The following NNT variants were observed in gnomAD, a reference collection of about 807,000 sequenced individuals.
NNT encodes the protein NAD(P) transhydrogenase, mitochondrial.
Under a neutral mutation model 104.8 loss-of-function variants are expected in NNT, and 50 were observed. The observed-to-expected ratio is 0.48, with a 90% CI of 0.38 to 0.60. The LOEUF is 0.60. NNT is among the 20% of genes least tolerant of loss of function. The pLI is 0.00. For missense variants in NNT, 1,131 were observed against 1,330.7 expected, an observed-to-expected ratio of 0.85 and a Z score of 2.33; for synonymous variants, 461 against 490.4, an observed-to-expected ratio of 0.94 and a Z score of 0.79.
chr5:43,691,006 G>T (rs1159368005), intron 19 of NNT, among the ~76,000 whole-genome samples: 1 of 150,510 alleles, frequency 6.6e-6, no homozygotes, highest in African/African-American at 2.5e-5. Context: ...ATTTTCTGTG[G>T]TTTATTTGAA....
Position 43,649,301 on chromosome 5 carries a change from A to G in NNT, c.1599A>G (p.Ala533=). ...LHSPLMSVTN[A]ISGLTAVGGL... is the part of the protein sequence containing the mutation. ...CACCACTGATGTCTGTGACAAATGC[A>G]ATCTCAGGTTTGTTCCTCTCTTGTT... is the stretch of plus-strand genomic sequence containing the variant. The change falls in exon 11 of 22, where the codon GCA becomes GCG. Residue 533 remains alanine (A), a synonymous_variant. Transcript: ENST00000344920. The G allele has an allele frequency of 4.3e-6, 7 of 1,614,080 alleles. No homozygotes were observed. Among genetic ancestry groups the G allele is most frequent in the Non-Finnish European group, 5.9e-6 (7 of 1,179,968 alleles).
At chr5:43,615,727 A>T in intron 3 of NNT, 121 bp from the exon 4 acceptor site, 1 of 788,914 alleles carries the variant, frequency 1.3e-6, no homozygotes, top group Non-Finnish European at 2.0e-6. Flanking sequence ...GAAATTATTG[A>T]TGGAAGATTT....
intron 6 of NNT, among the ~76,000 whole-genome samples, chr5:43,626,209 G>A (rs1750352820): frequency 6.6e-6 from 1 of 152,004 alleles, no homozygotes; most frequent in Non-Finnish European, 1.5e-5. Context: ...CATTTTTCTT[G>A]TCATTATTCT....
In NNT at chr5:43,706,376, CTTATT is replaced by C. The variant is rs1427100028; in HGVS notation, c.*1980_*1984del. The C allele has an allele frequency of 6.6e-6, 1 of 150,876 alleles. No individual in the cohort carries two copies. The allele number at this position is 150,876 out of a possible 1,614,324, so 9.3% of individuals were successfully genotyped here. On this transcript the variant is annotated 3_prime_UTR_variant, in exon 22 of 22. Transcript: ENST00000344920. ...TAAGTCATACAATTGGTAGATATGA[CTTATT>C]TTATTTTTGTATTATTCACTATATC... is the stretch of plus-strand genomic sequence containing the variant.
intron 17 of NNT, among the ~76,000 whole-genome samples, chr5:43,671,310 A>G (rs1180446566): frequency 6.6e-6 from 1 of 152,144 alleles, no homozygotes; most frequent in East Asian, 1.9e-4. Flanking sequence ...TTATGTGTGA[A>G]TTTGATCCTG....
chr5:43,668,084 T>C (rs1740815390), intron 17 of NNT, among the ~76,000 whole-genome samples: 1 of 152,252 alleles, frequency 6.6e-6, no homozygotes, highest in South Asian at 2.1e-4. Flanking sequence ...GAAGTGTCTG[T>C]TCATATCCTT....
intron 21 of NNT, 50 bp from the exon 22 acceptor site, chr5:43,704,205 C>A: frequency 6.7e-7 from 1 of 1,492,536 alleles, no homozygotes; most frequent in Non-Finnish European, 8.9e-7. Context: ...CCTAACATGT[C>A]CTAGGTTGGT....
At chr5:43,610,348 T>C (rs1434696954) in intron 2 of NNT, among the ~76,000 whole-genome samples, 1 of 152,032 alleles carries the variant, frequency 6.6e-6, no homozygotes, top group Non-Finnish European at 1.5e-5. Flanking sequence ...ATCATCCCAG[T>C]ACTTCTGTCA....
chr5:43,659,383 A>G (rs1281082983), intron 17 of NNT, 33 bp downstream of exon 17: 1 of 1,538,124 alleles, frequency 6.5e-7, no homozygotes, highest in East Asian at 2.3e-5. Flanking sequence ...AACAAAAGGA[A>G]ATGGCTTCCT....
intron 20 of NNT, among the ~76,000 whole-genome samples, chr5:43,701,840 A>C (rs1459124934): frequency 6.6e-6 from 1 of 152,062 alleles, no homozygotes; most frequent in Non-Finnish European, 1.5e-5. Flanking sequence ...GTGATGTCGA[A>C]CATTTCTTCA....
chr5:43,633,165 G>A (rs1296190647), intron 7 of NNT, among the ~76,000 whole-genome samples: 1 of 152,114 alleles, frequency 6.6e-6, no homozygotes, highest in Admixed American at 6.6e-5. Flanking sequence ...GGGCGACTTG[G>A]GTTCCCAGCA....
chr5:43,689,411 T>C (rs1454261162), intron 19 of NNT, among the ~76,000 whole-genome samples: 1 of 152,224 alleles, frequency 6.6e-6, no homozygotes, highest in Non-Finnish European at 1.5e-5. Flanking sequence ...GTCCCATCTG[T>C]TTATCTTTGT....
At chr5:43,635,072 T>C (rs1446265727) in intron 7 of NNT, among the ~76,000 whole-genome samples, 4 of 152,208 alleles carry the variant, frequency 2.6e-5, no homozygotes, top group Admixed American at 6.5e-5. Context: ...TTCCCTACCA[T>C]ATGCATTGCT....
Position 43,644,315 on chromosome 5 carries a change from A to G in NNT, c.1088A>G (p.Tyr363Cys). The change falls in exon 8 of 22, where the codon TAC (tyrosine) becomes TGC (cysteine). Residue 363 changes from tyrosine to cysteine, a missense_variant. Tyr to Cys is a radical substitution (Grantham distance 194). Transcript: ENST00000344920. ...GAAACCACTAAGCCAGGAGAACTCTACATTCATAAGGTATAGCAAGATGCG... is the reference window on the plus strand; with the variant it reads ...GAAACCACTAAGCCAGGAGAACTCTGCATTCATAAGGTATAGCAAGATGCG... ...NFETTKPGEL[Y>C]IHKGITHIGY... 1.9e-6 allele frequency: 3 copies of G among 1,613,672 alleles called. No homozygotes were observed. The highest frequency in any genetic ancestry group is 1.1e-5 in the South Asian group (1 of 90,922).
intron 4 of NNT, among the ~76,000 whole-genome samples, chr5:43,616,575 A>G (rs1749802262): frequency 6.6e-6 from 1 of 152,380 alleles, no homozygotes; most frequent in African/African-American, 2.4e-5. Context: ...CAAAACCCAT[A>G]TTGATAACTG....
chr5:43,616,772 A>G (rs778812964), intron 4 of NNT, among the ~76,000 whole-genome samples: 1 of 152,186 alleles, frequency 6.6e-6, no homozygotes, highest in East Asian at 1.9e-4. Context: ...AGGAATAGCT[A>G]CATGAAAGCA....
chr5:43,677,794 G>A lies in NNT; in HGVS notation c.2864G>A (p.Gly955Asp). 1 of 1,613,392 alleles carries A rather than the reference G, an allele frequency of 6.2e-7. No individual in the cohort carries two copies. Among genetic ancestry groups the A allele is most frequent in the Non-Finnish European group, 8.5e-7 (1 of 1,179,466 alleles). ...TTGGTAAAGATGCTCACTGAGCAAG[G>A]CAAAAAAGTCAGGTAAGCGTTTGCA... The part of the protein sequence containing the change: ...ADLVKMLTEQ[G>D]KKVRFGIHPV... The change falls in exon 19 of 22, where the codon GGC (glycine) becomes GAC (aspartate). Residue 955 changes from glycine (G) to aspartate (D), a missense_variant. Gly to Asp is a moderately conservative substitution (Grantham distance 94). Coordinates refer to ENST00000344920, the MANE Select transcript of NNT (RefSeq NM_182977.3).
intron 5 of NNT, among the ~76,000 whole-genome samples, chr5:43,619,452 T>G (rs1157315082): frequency 2.6e-5 from 4 of 152,214 alleles, no homozygotes; most frequent in Admixed American, 6.5e-5. Context: ...GATTCTGGGT[T>G]TCTCAATTTT....
chr5:43,607,254 A>G (rs1749273117), intron 1 of NNT, among the ~76,000 whole-genome samples: 2 of 152,186 alleles, frequency 1.3e-5, no homozygotes, highest in South Asian at 4.1e-4. Context: ...AAGAACCACA[A>G]AAGAAGTGAA....
Sources: allele counts gnomAD v4.1 joint callset (sites outside exome capture counted in the v4.1 genomes callset), GRCh38; gene constraint gnomAD v4.1.1; transcripts MANE v1.5; gene names NCBI Gene and HGNC (gene_info 2026-07-23, HGNC 2026-07-21).